Variants in TRPM5 observed in about 807,000 individuals in gnomAD.
TRPM5 encodes the protein MLSN1 and TRP-related.
A neutral mutation model predicts 124.9 loss-of-function variants in TRPM5; 121 were observed. The observed-to-expected ratio is 0.97, with a 90% CI of 0.84 to 1.13. The LOEUF is 1.13. TRPM5 is among the 50% of genes most tolerant of loss of function. TRPM5 has a pLI of 0.00. For missense variants in TRPM5, 1,643 were observed against 1,589.1 expected (o/e 1.03, Z -0.58); for synonymous variants, 781 against 700.5 (o/e 1.11, Z -1.81).
chr11:2,414,026 C>A, intron 12 of TRPM5, 35 bp downstream of exon 17: 1 of 1,543,152 alleles, frequency 6.5e-7, no homozygotes, highest in Non-Finnish European at 8.7e-7. Context: ...CACCCCACCC[C>A]CTGGCAGCTC....
At chr11:2,411,566 A>G (rs771367043) in intron 17 of TRPM5, 40 bp from the exon 23 acceptor site, 11 of 1,608,062 alleles carry the variant, frequency 6.8e-6, no homozygotes, top group Non-Finnish European at 6.8e-6. Flanking sequence ...GTCAGCGGCC[A>G]GCCGGGTGGG....
upstream of TRPM5, among the ~76,000 whole-genome samples, chr11:2,423,237 C>T (rs1257841995): frequency 6.6e-6 from 1 of 152,174 alleles, no homozygotes; most frequent in Non-Finnish European, 1.5e-5. Context: ...CCCAGCGACC[C>T]CCTGCAGCTC....
chr11:2,436,870 A>G, the TRPM5 span, among the ~76,000 whole-genome samples: 1 of 152,186 alleles, frequency 6.6e-6, no homozygotes, highest in African/African-American at 2.4e-5. Flanking sequence ...AGATGACCTA[A>G]CCTCAGATCA....
At chr11:2,437,852 T>C in the TRPM5 span, among the ~76,000 whole-genome samples, 15 of 151,914 alleles carry the variant, frequency 9.9e-5, no homozygotes, top group African/African-American at 3.4e-4. This position sits in a 1 kb window ranked among gnomAD's most constrained non-coding sequence, Gnocchi z 5.6. Context: ...AGTTAGGGAA[T>C]AGGTGAGGCA....
At chr11:2,437,088 C>T in the TRPM5 span, among the ~76,000 whole-genome samples, 1 of 152,232 alleles carries the variant, frequency 6.6e-6, no homozygotes, top group Non-Finnish European at 1.5e-5. This position sits in a 1 kb window ranked among gnomAD's most constrained non-coding sequence, Gnocchi z 5.6. Flanking sequence ...CTGCTGGATC[C>T]TGCTGCTTTA....
intron 21 of TRPM5, 53 bp downstream of exon 26, chr11:2,406,606 ATC>A: frequency 6.5e-7 from 1 of 1,544,108 alleles, no homozygotes; most frequent in Non-Finnish European, 8.7e-7. Flanking sequence ...CCAATGGCAC[ATC>A]CCCGCTTAAA....
rs764973179 is a variant in TRPM5, at chr11:2,412,115, G to T, written c.2474+20C>A. 70 of 1,600,582 alleles carry T rather than the reference G, an allele frequency of 4.4e-5. No individual in the cohort carries two copies. The highest frequency in any genetic ancestry group is 5.9e-5 in the Non-Finnish European group (69 of 1,168,880). ...CCCACAAGCCGCCCTGAGGCCACAC[G>T]GCCTCTGGGCCCCACAGACCTGCAG... On this transcript the variant is annotated intron_variant, in intron 16 of 23. Coordinates refer to ENST00000155858, the Ensembl canonical transcript of TRPM5.
At chr11:2,427,370 C>T (rs1022621543), upstream of TRPM5, among the ~76,000 whole-genome samples, 20 of 152,248 alleles carry the variant, frequency 1.3e-4, no homozygotes, top group Admixed American at 9.8e-4. Context: ...GGCCAAGGCG[C>T]GGGTGGAGCC....
chr11:2,415,109 G>A lies in TRPM5; in HGVS notation c.1479+12C>T, dbSNP rs1565011090. On this transcript the variant is annotated intron_variant, in intron 9 of 23. Transcript: ENST00000155858. ...CAGCCTCGCCCTCCATCCCCACGGA[G>A]CCCCCGCTCACCGCCCTCCTGCGGT... 4.5e-6 allele frequency: 7 copies of A among 1,572,256 alleles called. No individual in the cohort carries two copies. The Admixed American group carries it at 5.3e-5, about 12-fold the overall frequency.
chr11:2,414,498 G>A (rs1422949030), intron 11 of TRPM5, among the ~76,000 whole-genome samples: 1 of 152,188 alleles, frequency 6.6e-6, no homozygotes, highest in Non-Finnish European at 1.5e-5. Flanking sequence ...AGGCTGTATC[G>A]TCCTCACCAC....
chr11:2,415,005 G>A (rs761234399), exon 10 of TRPM5: 1 of 1,605,068 alleles, frequency 6.2e-7, no homozygotes, highest in East Asian at 2.2e-5. Flanking sequence ...TTCAGGTCCA[G>A]CAGCCACTTC....
chr11:2,442,623 C>G, the TRPM5 span, among the ~76,000 whole-genome samples: 1 of 152,116 alleles, frequency 6.6e-6, no homozygotes, highest in African/African-American at 2.4e-5. This position sits in a 1 kb window ranked among gnomAD's most constrained non-coding sequence, Gnocchi z 5.9. Context: ...TGGGTTATTT[C>G]CTAGAAGTGG....
chr11:2,439,417 C>T, the TRPM5 span, among the ~76,000 whole-genome samples: 2 of 152,126 alleles, frequency 1.3e-5, no homozygotes, highest in Non-Finnish European at 2.9e-5. Context: ...AAAATATTTG[C>T]ATCTATGCAT....
chr11:2,441,529 A>G, the TRPM5 span, among the ~76,000 whole-genome samples: 1 of 150,844 alleles, frequency 6.6e-6, no homozygotes, highest in Admixed American at 6.6e-5. The surrounding 1 kb of genome is among the most constrained non-coding windows in gnomAD (Gnocchi z 7.2). Flanking sequence ...AGCTCCTTGG[A>G]GCTTGCAGGG....
chr11:2,425,304 C>G (rs888626373), upstream of TRPM5, among the ~76,000 whole-genome samples: 8 of 152,168 alleles, frequency 5.3e-5, no homozygotes, highest in Non-Finnish European at 1.0e-4. Flanking sequence ...GCTCTCAGAG[C>G]GGGTCCTTCC....
intron 18 of TRPM5, among the ~76,000 whole-genome samples, chr11:2,409,880 G>A (rs540521711): frequency 8.5e-5 from 13 of 152,308 alleles, no homozygotes; most frequent in South Asian, 4.1e-4. Context: ...GGGGCCCCTC[G>A]GGAGTCTGTT....
intron 23 of TRPM5, 151 bp downstream of exon 28, chr11:2,405,375 AC>A: frequency 2.5e-6 from 2 of 785,104 alleles, no homozygotes; most frequent in Non-Finnish European, 4.0e-6. Flanking sequence ...GGGCACCCAC[AC>A]CACCCTGAAG....
At chr11:2,437,394 C>T in the TRPM5 span, among the ~76,000 whole-genome samples, 2 of 152,128 alleles carry the variant, frequency 1.3e-5, no homozygotes, top group Non-Finnish European at 2.9e-5. This position sits in a 1 kb window ranked among gnomAD's most constrained non-coding sequence, Gnocchi z 5.6. Context: ...GCATGTGGAC[C>T]TGCTTCTGGG....
chr11:2,434,867 AGCCAT>A, the TRPM5 span, among the ~76,000 whole-genome samples: 9 of 152,196 alleles, frequency 5.9e-5, no homozygotes, highest in Admixed American at 3.3e-4. Context: ...TGGAAATGAC[AGCCAT>A]TGGGAAGCAC....
Sources: allele counts gnomAD v4.1 joint callset (sites outside exome capture counted in the v4.1 genomes callset), GRCh38; gene constraint gnomAD v4.1.1; non-coding constraint Gnocchi (gnomAD v3.1); transcripts MANE v1.5; gene names NCBI Gene and HGNC (gene_info 2026-07-23, HGNC 2026-07-21).